FDXR: variants seen among roughly 807,000 people sequenced by gnomAD.
FDXR encodes the protein ferredoxin reductase.
Under a neutral mutation model 58.3 loss-of-function variants are expected in FDXR, and 38 were observed. The ratio of observed to expected loss-of-function variants is 0.65; its 90% CI spans 0.50 to 0.85. The LOEUF (loss-of-function observed/expected upper bound fraction) is 0.85. FDXR is among the 40% of genes least tolerant of loss of function. The probability of loss-of-function intolerance (pLI) is 0.00; values close to 1 mark genes in which losing one functional copy is unlikely to be tolerated. For missense variants in FDXR, 624 were observed against 671.0 expected, an observed-to-expected ratio of 0.93 and a Z score of 0.77; for synonymous variants, 275 against 273.8, an observed-to-expected ratio of 1.00 and a Z score of -0.04.
At chr17:74,871,137 C>T (rs2038362909) in intron 2 of FDXR, among the ~76,000 whole-genome samples, 1 of 152,172 alleles carries the variant, frequency 6.6e-6, no homozygotes, top group African/African-American at 2.4e-5. Context: ...CCCCACCTGC[C>T]TCGGCTCACG....
chr17:74,864,328 C>T lies in FDXR; in HGVS notation c.822G>A (p.Lys274=). The T allele has an allele frequency of 3.2e-6, 5 of 1,576,768 alleles. No homozygotes were observed. The highest frequency in any genetic ancestry group is 4.3e-6 in the Non-Finnish European group (5 of 1,159,064). ...DKIKEVPRPR[K]RLTELLLRTA... ...TTCGAAGCAGCAGTTCCGTCAGCCGCTTCCTCGGGCGGGGGACCTCTGTCA... is the reference window on the plus strand; with the variant it reads ...TTCGAAGCAGCAGTTCCGTCAGCCGTTTCCTCGGGCGGGGGACCTCTGTCA... The change falls in exon 9 of 12, where the codon AAG becomes AAA. Residue 274 remains lysine (K), a synonymous_variant. Coordinates refer to ENST00000293195, the MANE Select transcript of FDXR (RefSeq NM_024417.5).
rs561984730 is a variant in FDXR, at chr17:74,864,301, C to T, written c.849G>A (p.Thr283=). The change falls in exon 9 of 12, where the codon ACG becomes ACA. Residue 283 remains threonine, a synonymous_variant. Transcript: ENST00000293195. The part of the protein sequence containing the change: ...RKRLTELLLR[T]ATEKPGPAEA... ...CCGCCGGCCCTGGCTTCTCTGTGGC[C>T]GTTCGAAGCAGCAGTTCCGTCAGCC... 1.1e-5 allele frequency: 18 copies of T among 1,586,668 alleles called. No individual in the cohort carries two copies. The highest frequency in any genetic ancestry group is 4.4e-5 in the South Asian group (4 of 89,974).
intron 6 of FDXR, 79 bp from the exon 7 acceptor site, chr17:74,865,010 G>A: frequency 6.3e-7 from 1 of 1,599,500 alleles, no homozygotes; most frequent in Non-Finnish European, 8.5e-7. Flanking sequence ...TGTCCCCACC[G>A]TGGGCCTGGA....
rs2038029761 is a variant in FDXR at position 74,863,080 on chromosome 17, G to A, written c.1341C>T (p.Ser447=). Residue 447 remains serine (S), a synonymous_variant, in exon 11 of 12, where the codon AGC becomes AGT. Coordinates refer to ENST00000293195, the MANE Select transcript of FDXR (RefSeq NM_024417.5). ...CCTCAGCATCGGGGCCCAGACCTCG[G>A]CTGCTGAGCAGGGCCTGGATGGCTG... The part of the protein sequence containing the change: ...GYAAIQALLS[S]RGVRPVSFSD... 6 of 1,611,282 alleles carry A rather than the reference G, an allele frequency of 3.7e-6. No individual in the cohort carries two copies. Among genetic ancestry groups the A allele is most frequent in the Non-Finnish European group, 5.1e-6 (6 of 1,178,734 alleles).
At chr17:74,872,414 GA>G (rs2038403746) in intron 1 of FDXR, 1 of 783,006 alleles carries the variant, frequency 1.3e-6, no homozygotes, top group Non-Finnish European at 2.0e-6. Context: ...CAATCGGCTA[GA>G]ATCCCACATC....
At chr17:74,871,510 G>A (rs941865435) in intron 2 of FDXR, among the ~76,000 whole-genome samples, 6 of 152,190 alleles carry the variant, frequency 3.9e-5, no homozygotes, top group South Asian at 2.1e-4. Context: ...CCTTCCTGCC[G>A]AGGCAGACAC....
Position 74,863,392 on chromosome 17 carries a change from G to C in FDXR, c.1175-146C>G, listed in dbSNP as rs111651334. 106 of 763,262 alleles carry C rather than the reference G, an allele frequency of 1.4e-4. 3 individuals carry two copies. The highest frequency in any genetic ancestry group is 1.0e-3 in the African/African-American group (60 of 57,694). 47.3% of individuals were successfully genotyped at this position (763,262 alleles called of 1,614,324 possible). A position where few individuals can be genotyped will look rare whatever the true frequency, so the allele number is the denominator to read the frequency against. On this transcript the variant is annotated intron_variant, in intron 10 of 11. Transcript: ENST00000293195. ...GTCGGCTGAGCCTGCTGTGGCCGCT[G>C]GTCCACTGCCCTGGATTCTTCTCTC...
At chr17:74,866,087 A>G in intron 5 of FDXR, 44 bp downstream of exon 5, 2 of 1,413,020 alleles carry the variant, frequency 1.4e-6, no homozygotes, top group Non-Finnish European at 2.0e-6. Context: ...CCAAGGGCTG[A>G]GGGGCGGGGA....
chr17:74,868,795 TTAACC>T, intron 2 of FDXR: 1 of 1,448,094 alleles, frequency 6.9e-7, no homozygotes, highest in Non-Finnish European at 9.1e-7. Flanking sequence ...CCCTGAGGAT[TTAACC>T]CACTCCCTCC....
In FDXR at chr17:74,863,191, G is replaced by T. The variant is rs763899232; in HGVS notation, c.1230C>A (p.Thr410=). Reference sequence around the variant, plus strand: ...GGCCGGTGAGGAAGCTGTCAGTCATGGTTGTGGCTATGACACCTGTAGGTC... The same window carrying T: ...GGCCGGTGAGGAAGCTGTCAGTCATTGTTGTGGCTATGACACCTGTAGGTC... ...KRGPTGVIAT[T]MTDSFLTGQM... is the part of the protein sequence containing the mutation. The change falls in exon 11 of 12, where the codon ACC becomes ACA. Residue 410 remains threonine, a synonymous_variant. Transcript: ENST00000293195. 1 of 1,613,812 alleles carries T rather than the reference G, an allele frequency of 6.2e-7. No homozygotes were observed. The highest frequency in any genetic ancestry group is 1.1e-5 in the South Asian group (1 of 91,012).
intron 2 of FDXR, chr17:74,868,322 C>T: frequency 1.6e-6 from 1 of 611,000 alleles, no homozygotes; most frequent in Non-Finnish European, 2.9e-6. Flanking sequence ...AAAGTTTCTT[C>T]TCTGTCCAAA....
chr17:74,872,339 C>T (rs1949490066), intron 1 of FDXR: 1 of 1,429,892 alleles, frequency 7.0e-7, no homozygotes, highest in Non-Finnish European at 9.5e-7. Flanking sequence ...CCAGAGCCCA[C>T]ATCTCACCCA....
intron 10 of FDXR, 55 bp from the exon 11 acceptor site, chr17:74,863,301 C>G (rs1242234279): frequency 4.0e-6 from 6 of 1,517,012 alleles, no homozygotes; most frequent in Non-Finnish European, 5.4e-6. Flanking sequence ...ACCACCCTGG[C>G]CATCCTGTGC....
At chr17:74,872,306 ACC>A in intron 1 of FDXR, 173 bp from the exon 2 acceptor site, 2 of 1,533,838 alleles carry the variant, frequency 1.3e-6, no homozygotes, top group Non-Finnish European at 1.7e-6. Flanking sequence ...CTTCATCTGA[ACC>A]CCCAAAGGCT....
At chr17:74,872,495 C>CCT (rs921971600) in intron 1 of FDXR, 1 of 616,652 alleles carries the variant, frequency 1.6e-6, no homozygotes, top group African/African-American at 1.8e-5. Flanking sequence ...TCCTCTAACC[C>CCT]CTCTCTCTCT....
At chr17:74,872,473 C>G (rs549115317) in intron 1 of FDXR, 1 of 632,534 alleles carries the variant, frequency 1.6e-6, no homozygotes, top group Non-Finnish European at 2.7e-6. Flanking sequence ...GTGGGTCTCC[C>G]CACGGTGTCC....
chr17:74,864,678 A>G (rs1473318081), intron 7 of FDXR, 114 bp from the exon 8 acceptor site: 4 of 1,422,158 alleles, frequency 2.8e-6, no homozygotes, highest in Non-Finnish European at 3.9e-6. Context: ...CTCCTCCCCA[A>G]AGGCACAGGG....
At chr17:74,872,210 C>A in intron 1 of FDXR, 77 bp from the exon 2 acceptor site, 1 of 1,559,930 alleles carries the variant, frequency 6.4e-7, no homozygotes, top group Non-Finnish European at 8.7e-7. Context: ...GAATATCCAA[C>A]AGAAGCTGGA....
chr17:74,863,195 G>A lies in FDXR; in HGVS notation c.1226C>T (p.Thr409Ile), dbSNP rs1339453084. ...VKRGPTGVIA[T>I]TMTDSFLTGQ... Reference sequence around the variant, plus strand: ...GGTGAGGAAGCTGTCAGTCATGGTTGTGGCTATGACACCTGTAGGTCCTCT... The same window carrying A: ...GGTGAGGAAGCTGTCAGTCATGGTTATGGCTATGACACCTGTAGGTCCTCT... Residue 409 changes from threonine to isoleucine, a missense_variant, in exon 11 of 12, where the codon ACA becomes ATA. Transcript: ENST00000293195. 1.2e-6 allele frequency: 2 copies of A among 1,613,650 alleles called. No homozygotes were observed. Among genetic ancestry groups the A allele is most frequent in the South Asian group, 1.1e-5 (1 of 91,016 alleles).
Sources: gnomAD v4.1 joint callset for allele counts (sites outside exome capture counted in the v4.1 genomes callset) on GRCh38, gnomAD v4.1.1 for gene constraint, MANE v1.5 for transcripts, NCBI Gene and HGNC (gene_info 2026-07-23, HGNC 2026-07-21) for gene names.